STOX2: variants seen among roughly 807,000 people sequenced by gnomAD.
STOX2 encodes storkhead-box protein 2.
In STOX2, 28 loss-of-function variants were observed where a neutral mutation model predicts 60.9. That is an observed-to-expected ratio of 0.46 (90% CI 0.34 to 0.63). The LOEUF (loss-of-function observed/expected upper bound fraction) is 0.63. Among genes scored for constraint, STOX2 ranks in the 30% least tolerant of loss-of-function variants. The pLI is 0.01. For missense variants in STOX2, 1,024 were observed against 1,187.7 expected, an observed-to-expected ratio of 0.86 and a Z score of 2.03; for synonymous variants, 472 against 463.9, an observed-to-expected ratio of 1.02 and a Z score of -0.22.
At chr4:183,917,544 T>C (rs75473775) in intron 1 of STOX2, among the ~76,000 whole-genome samples, 4,288 of 152,296 alleles carry the variant, frequency 0.028, 186 homozygotes, top group African/African-American at 0.099. Flanking sequence ...TTTCCATTGG[T>C]TTTCAAATAA....
chr4:183,999,293 C>A (rs538546245), intron 1 of STOX2, among the ~76,000 whole-genome samples: 1 of 152,230 alleles, frequency 6.6e-6, no homozygotes, highest in South Asian at 2.1e-4. Context: ...AAAATGGCCC[C>A]AAGTTCACAC....
At chr4:183,845,671 C>T (rs1216328710) in intron 1 of STOX2, among the ~76,000 whole-genome samples, 1 of 152,210 alleles carries the variant, frequency 6.6e-6, no homozygotes, top group Non-Finnish European at 1.5e-5. Context: ...AGGGGACCAT[C>T]CACCATTCAA....
At chr4:183,925,024 C>T (rs1262791648) in intron 1 of STOX2, among the ~76,000 whole-genome samples, 1 of 152,070 alleles carries the variant, frequency 6.6e-6, no homozygotes, top group African/African-American at 2.4e-5. Flanking sequence ...GTGGGAGTAC[C>T]AAACATTTGG....
intron 1 of STOX2, among the ~76,000 whole-genome samples, chr4:183,923,061 C>A (rs1433094212): frequency 6.6e-6 from 1 of 152,192 alleles, no homozygotes; most frequent in African/African-American, 2.4e-5. Flanking sequence ...CACTATTTTG[C>A]TCTTGTGAAG....
intron 1 of STOX2, among the ~76,000 whole-genome samples, chr4:183,814,194 T>C (rs1202931557): frequency 6.6e-6 from 1 of 152,198 alleles, no homozygotes; most frequent in African/African-American, 2.4e-5. Context: ...TGGAATAGTA[T>C]ATAGCCGTTA....
chr4:183,798,246 C>G (rs985386196), intron 1 of STOX2, among the ~76,000 whole-genome samples: 4 of 151,318 alleles, frequency 2.6e-5, no homozygotes, highest in African/African-American at 9.7e-5. Flanking sequence ...TTCCTGGCAC[C>G]GAAAGGAGGG....
intron 1 of STOX2, chr4:183,798,544 G>C: frequency 1.1e-6 from 1 of 873,904 alleles, no homozygotes; most frequent in Non-Finnish European, 1.4e-6. Flanking sequence ...GCGACTGCGG[G>C]GGACGCGCCG....
At chr4:183,814,180 T>C (rs932573843) in intron 1 of STOX2, among the ~76,000 whole-genome samples, 3 of 152,154 alleles carry the variant, frequency 2.0e-5, no homozygotes, top group Non-Finnish European at 4.4e-5. Flanking sequence ...TTCTTTATAT[T>C]GGATGGAATA....
At chr4:183,993,467 G>A (rs1414177961) in intron 1 of STOX2, among the ~76,000 whole-genome samples, 1 of 152,146 alleles carries the variant, frequency 6.6e-6, no homozygotes, top group Non-Finnish European at 1.5e-5. Flanking sequence ...AATAGCTAAT[G>A]GACACCAGTA....
intron 1 of STOX2, among the ~76,000 whole-genome samples, chr4:183,838,663 G>A (rs1487210287): frequency 6.6e-6 from 1 of 152,244 alleles, no homozygotes; most frequent in Admixed American, 6.5e-5. Flanking sequence ...AAGCAGCACA[G>A]TAATGCTCTT....
At chr4:183,857,270 G>T (rs72695309) in intron 1 of STOX2, among the ~76,000 whole-genome samples, 2,419 of 110,962 alleles carry the variant, frequency 0.022, 12 homozygotes, top group East Asian at 0.034. Flanking sequence ...TATCCTGCAG[G>T]ACTGGTCATC....
rs1282503589 is a variant in STOX2, at chr4:183,806,633, TC to T, written c.364+8579del. 6.6e-6 allele frequency among the ~76,000 whole-genome samples: 1 copy of T among 152,220 alleles called. No homozygotes were observed. The highest frequency in any genetic ancestry group is 1.5e-5 in the Non-Finnish European group (1 of 68,030). ...GACAGCATTTCCTTCTGTCTCAGCC[TC>T]TGCCAGCGCTGTGTCAGGTGCCTCC... is the stretch of plus-strand genomic sequence containing the variant. On this transcript the variant is annotated intron_variant, in intron 1 of 2. Transcript: ENST00000513034. The surrounding 1 kb of genome is among the most constrained non-coding windows in gnomAD (Gnocchi z 4.1).
At chr4:183,877,310 G>A (rs1435972093) in intron 1 of STOX2, among the ~76,000 whole-genome samples, 4 of 152,144 alleles carry the variant, frequency 2.6e-5, no homozygotes, top group African/African-American at 9.7e-5. Flanking sequence ...GAAGAATCTC[G>A]GGTCCGCACA....
At chr4:183,961,674 C>G (rs1339390851) in intron 1 of STOX2, among the ~76,000 whole-genome samples, 1 of 152,192 alleles carries the variant, frequency 6.6e-6, no homozygotes, top group East Asian at 1.9e-4. Flanking sequence ...GTGCCCATCA[C>G]CCAGATAGTG....
intron 1 of STOX2, among the ~76,000 whole-genome samples, chr4:183,973,100 G>A (rs1743790226): frequency 6.6e-6 from 1 of 152,134 alleles, no homozygotes; most frequent in Admixed American, 6.5e-5. Context: ...CTTCAAGGAT[G>A]TGTGAGACCA....
intron 1 of STOX2, chr4:183,798,609 G>C: frequency 2.0e-6 from 2 of 985,264 alleles, no homozygotes; most frequent in Non-Finnish European, 2.4e-6. Context: ...ACGAGGCAAG[G>C]CTGCAGAGTT....
rs111728823 is a variant in STOX2 at position 183,817,299 on chromosome 4, C to T, written c.364+19244C>T. On this transcript the variant is annotated intron_variant, in intron 1 of 2. Transcript: ENST00000513034. Reference sequence around the variant, plus strand: ...CAGTCCTTACCAACAAGATGGTTCACTGGGTTCAAAAGAACGTGCCACACA... The same window carrying T: ...CAGTCCTTACCAACAAGATGGTTCATTGGGTTCAAAAGAACGTGCCACACA... Among the ~76,000 whole-genome samples the T allele has an allele frequency of 2.2e-3, 329 of 152,334 alleles. 8 individuals carry two copies. Among genetic ancestry groups the T allele is most frequent in the African/African-American group, 7.3e-3 (304 of 41,576 alleles).
At chr4:183,987,252 G>GC (rs921691736) in intron 1 of STOX2, among the ~76,000 whole-genome samples, 3 of 151,840 alleles carry the variant, frequency 2.0e-5, no homozygotes, top group Admixed American at 6.6e-5. Context: ...CTCAACTGCC[G>GC]CCCCCGTCTT....
chr4:183,836,943 C>T lies in STOX2; in HGVS notation c.364+38888C>T, dbSNP rs776661246. 6.6e-6 allele frequency among the ~76,000 whole-genome samples: 1 copy of T among 152,124 alleles called. No homozygotes were observed. The highest frequency in any genetic ancestry group is 1.5e-5 in the Non-Finnish European group (1 of 68,018). Reference sequence around the variant, plus strand: ...TTCCAGGAAGACGGTGTTTTGAGTTCCTACTGTGTGCCAGTATTGTACTGT... The same window carrying T: ...TTCCAGGAAGACGGTGTTTTGAGTTTCTACTGTGTGCCAGTATTGTACTGT... On this transcript the variant is annotated intron_variant, in intron 1 of 2. Coordinates refer to the STOX2 transcript ENST00000513034. The surrounding 1 kb of genome is among the most constrained non-coding windows in gnomAD (Gnocchi z 4.1).
Sources: gnomAD v4.1 joint callset for allele counts (sites outside exome capture counted in the v4.1 genomes callset) on GRCh38, gnomAD v4.1.1 for gene constraint, Gnocchi (gnomAD v3.1) non-coding constraint, MANE v1.5 for transcripts, NCBI Gene and HGNC (gene_info 2026-07-23, HGNC 2026-07-21) for gene names.